HTR1D: variants seen among roughly 807,000 people sequenced by gnomAD.
The protein encoded by HTR1D is 5-HT-1D.
HTR1D carries 18 observed loss-of-function variants against 21.1 expected under a neutral mutation model. The ratio of observed to expected loss-of-function variants is 0.85; its 90% CI spans 0.59 to 1.27. HTR1D has a LOEUF of 1.27. Ranked by LOEUF, HTR1D falls within the 50% of genes most tolerant of loss-of-function variation. The pLI is 0.00. For missense variants in HTR1D, 456 were observed against 481.4 expected, an observed-to-expected ratio of 0.95 and a Z score of 0.49; for synonymous variants, 196 against 204.4, an observed-to-expected ratio of 0.96 and a Z score of 0.35.
intron 1 of HTR1D, among the ~76,000 whole-genome samples, chr1:23,198,365 CAAAAAAAAA>C (rs58589973): frequency 1.1e-5 from 1 of 87,488 alleles, no homozygotes; most frequent in South Asian, 3.6e-4. Flanking sequence ...GACTCCGTCT[CAAAAAAAAA>C]AAAAAAAAAA....
intron 1 of HTR1D, among the ~76,000 whole-genome samples, chr1:23,196,195 A>T (rs770870271): frequency 7.9e-5 from 12 of 151,976 alleles, no homozygotes; most frequent in South Asian, 2.1e-4. Flanking sequence ...CTGTAATCCC[A>T]GCACTTTGGG....
At chr1:23,202,483 C>G (rs768082143) in intron 1 of HTR1D, among the ~76,000 whole-genome samples, 67 of 152,300 alleles carry the variant, frequency 4.4e-4, no homozygotes, top group Admixed American at 1.3e-3. Context: ...AGATCTGTTG[C>G]CTCCACTTTC....
chr1:23,198,038 A>G (rs529798512), intron 1 of HTR1D, among the ~76,000 whole-genome samples: 29 of 151,360 alleles, frequency 1.9e-4, no homozygotes, highest in African/African-American at 6.5e-4. Flanking sequence ...GTTCAAGATC[A>G]GCCTGGGCAG....
chr1:23,204,201 C>T (rs1393024221), intron 1 of HTR1D, among the ~76,000 whole-genome samples: 1 of 151,976 alleles, frequency 6.6e-6, no homozygotes, highest in Non-Finnish European at 1.5e-5. Context: ...TCTCGGCTCA[C>T]TGCAAGCTCC....
In HTR1D at chr1:23,193,353, C is replaced by G. The variant is rs747784175; in HGVS notation, c.867G>C (p.Lys289Asn). The change falls in exon 2 of 2, where the codon AAG becomes AAC. Residue 289 changes from lysine (K) to asparagine (N), a missense_variant. Lys to Asn is a moderately conservative substitution (Grantham distance 94). Transcript: ENST00000374619. ...TCCTTTCTCGAGCAGCAGAAATCCT[C>G]TTGCGTTCCAGGGCACTGTCAGCAA... ...IKLADSALER[K>N]RISAARERKA... The G allele has an allele frequency of 2.5e-6, 4 of 1,614,092 alleles. No homozygotes were observed. The African/African-American group carries it at 4.0e-5, about 16-fold the overall frequency.
rs1394531695 is a variant in HTR1D at position 23,203,979 on chromosome 1, G to T, written c.-782-8978C>A. Among the ~76,000 whole-genome samples, 3 of 152,036 alleles carry T rather than the reference G, an allele frequency of 2.0e-5. No homozygotes were observed. The East Asian group carries it at 5.8e-4, about 29-fold the overall frequency. On this transcript the variant is annotated intron_variant, in intron 1 of 1. Coordinates refer to ENST00000374619, the MANE Select transcript of HTR1D (RefSeq NM_000864.5). ...GGGCAATACAGGGAGACCGTCTCTAGAAAAAAATGTTAAAAAAAATTAGCG... is the reference window on the plus strand; with the variant it reads ...GGGCAATACAGGGAGACCGTCTCTATAAAAAAATGTTAAAAAAAATTAGCG...
In HTR1D at chr1:23,192,059, T is replaced by G. The variant is rs916888604; in HGVS notation, c.*1027A>C. The G allele has an allele frequency of 6.6e-6, 1 of 151,944 alleles. No individual in the cohort carries two copies. Among genetic ancestry groups the G allele is most frequent in the Admixed American group, 6.6e-5 (1 of 15,252 alleles). 9.4% of individuals were successfully genotyped at this position (151,944 alleles called of 1,614,324 possible). The stretch of plus-strand genomic sequence containing the variant: ...GTGGGGGGTGGGCGTCTAAAGCCGG[T>G]CAATCTACCTCAAAGGGGTGATCAT... On this transcript the variant is annotated 3_prime_UTR_variant, in exon 2 of 2. Transcript: ENST00000374619.
intron 1 of HTR1D, among the ~76,000 whole-genome samples, chr1:23,207,005 C>T (rs1420548171): frequency 2.0e-5 from 3 of 152,188 alleles, no homozygotes; most frequent in African/African-American, 7.2e-5. Context: ...GTCAGTTCCT[C>T]CTCCGAGCCT....
Position 23,192,922 on chromosome 1 carries a change from C to G in HTR1D, c.*164G>C. The G allele has an allele frequency of 4.1e-6, 1 of 246,418 alleles. No individual in the cohort carries two copies. 15.3% of individuals were successfully genotyped at this position (246,418 alleles called of 1,614,324 possible). ...CGCCCCCCACCACCCACAGCTCTTT[C>G]AGAAGTTAAGAAAACAACAGGAAAA... On this transcript the variant is annotated 3_prime_UTR_variant, in exon 2 of 2. Coordinates refer to ENST00000374619, the MANE Select transcript of HTR1D (RefSeq NM_000864.5).
intron 1 of HTR1D, among the ~76,000 whole-genome samples, chr1:23,204,436 T>C (rs1364497909): frequency 6.6e-6 from 1 of 152,184 alleles, no homozygotes; most frequent in African/African-American, 2.4e-5. Context: ...CACTCATTTT[T>C]TTCATGTGGA....
chr1:23,206,465 C>T (rs1473441352), intron 1 of HTR1D, among the ~76,000 whole-genome samples: 3 of 152,156 alleles, frequency 2.0e-5, no homozygotes, highest in Non-Finnish European at 4.4e-5. Context: ...TGTTTCCTTC[C>T]ATCTCCAGCC....
At chr1:23,214,299 T>C (rs1644765228) in intron 1 of HTR1D, among the ~76,000 whole-genome samples, 1 of 152,022 alleles carries the variant, frequency 6.6e-6, no homozygotes, top group Non-Finnish European at 1.5e-5. Context: ...TGATGGTGCG[T>C]GCCTGTAGTC....
intron 1 of HTR1D, among the ~76,000 whole-genome samples, chr1:23,201,165 G>A (rs1482810898): frequency 6.6e-6 from 1 of 152,236 alleles, no homozygotes; most frequent in African/African-American, 2.4e-5. Flanking sequence ...TGGAGACCAT[G>A]GGGAGCTGGG....
Position 23,215,598 on chromosome 1 carries a change from T to A in HTR1D, c.-783+1693A>T, listed in dbSNP as rs1054877429. Among the ~76,000 whole-genome samples the A allele has an allele frequency of 5.3e-5, 8 of 152,304 alleles. No individual in the cohort carries two copies. The Middle Eastern group carries it at 0.014, about 259-fold the overall frequency. ...ATCTGTATTTCTGCTCACATTCACA[T>A]TACTCTCACCAAAAAGAATAGTCAT... On this transcript the variant is annotated intron_variant, in intron 1 of 1. Coordinates refer to ENST00000374619, the MANE Select transcript of HTR1D (RefSeq NM_000864.5).
intron 1 of HTR1D, among the ~76,000 whole-genome samples, chr1:23,211,211 T>C (rs1312145193): frequency 1.3e-5 from 2 of 152,192 alleles, no homozygotes; most frequent in Non-Finnish European, 2.9e-5. Flanking sequence ...TGTTTCCTCA[T>C]CTATTCAACT....
chr1:23,197,361 A>C (rs1644692773), intron 1 of HTR1D, among the ~76,000 whole-genome samples: 1 of 152,186 alleles, frequency 6.6e-6, no homozygotes, highest in Non-Finnish European at 1.5e-5. Context: ...ATTTCTCATA[A>C]TCTAGCTACC....
chr1:23,200,379 G>T (rs538876844), intron 1 of HTR1D, among the ~76,000 whole-genome samples: 11 of 152,158 alleles, frequency 7.2e-5, no homozygotes, highest in African/African-American at 1.2e-4. Flanking sequence ...CTACTGCTTC[G>T]CTTTCTTGCT....
At chr1:23,198,102 T>C (rs1244276856) in intron 1 of HTR1D, among the ~76,000 whole-genome samples, 2 of 148,164 alleles carry the variant, frequency 1.3e-5, no homozygotes, top group African/African-American at 5.0e-5. Context: ...CCGGGCGCAA[T>C]GGCTCACGCC....
At chr1:23,197,061 AG>A (rs1569755606) in intron 1 of HTR1D, among the ~76,000 whole-genome samples, 1 of 152,282 alleles carries the variant, frequency 6.6e-6, no homozygotes, top group East Asian at 1.9e-4. Flanking sequence ...TTCCCAAGGA[AG>A]CCTGGTGTGC....
Sources: gnomAD v4.1 joint callset for allele counts (sites outside exome capture counted in the v4.1 genomes callset) on GRCh38, gnomAD v4.1.1 for gene constraint, MANE v1.5 for transcripts, NCBI Gene and HGNC (gene_info 2026-07-23, HGNC 2026-07-21) for gene names.